The following OTOF variants were observed in gnomAD, a reference collection of about 807,000 sequenced individuals.
OTOF encodes fer-1-like family member 2.
A neutral mutation model predicts 236.8 loss-of-function variants in OTOF; 218 were observed. The observed-to-expected ratio is 0.92, with a 90% CI of 0.82 to 1.03. The LOEUF (loss-of-function observed/expected upper bound fraction) is 1.03. Among genes scored for constraint, OTOF ranks in the 50% least tolerant of loss-of-function variants. The probability of loss-of-function intolerance (pLI) is 0.00; values close to 1 mark genes in which losing one functional copy is unlikely to be tolerated. For synonymous variants in OTOF, 1,041 were observed against 1,072.5 expected (o/e 0.97, Z 0.57); for missense variants, 2,590 against 2,694.4 (o/e 0.96, Z 0.86).
Position 26,461,133 on chromosome 2 carries a change from C to T in OTOF, c.5534-103G>A. On this transcript the variant is annotated intron_variant, in intron 43 of 46. Coordinates refer to ENST00000272371, the MANE Select transcript of OTOF (RefSeq NM_194248.3). The surrounding 1 kb of genome is among the most constrained non-coding windows in gnomAD (Gnocchi z 6.2). ...GGCCCCTTGTTTGCTGAGTGCAGAC[C>T]TCCCTGAGCCCACATCTCATCCTCC... 1 of 977,384 alleles carries T rather than the reference C, an allele frequency of 1.0e-6. No individual in the cohort carries two copies. Among genetic ancestry groups the T allele is most frequent in the Non-Finnish European group, 1.6e-6 (1 of 640,544 alleles). 60.5% of individuals were successfully genotyped at this position (977,384 alleles called of 1,614,324 possible).
At chr2:26,531,355 A>G (rs1666943832) in intron 2 of OTOF, among the ~76,000 whole-genome samples, 1 of 152,228 alleles carries the variant, frequency 6.6e-6, no homozygotes, top group Non-Finnish European at 1.5e-5. Flanking sequence ...TCTGCCACTC[A>G]CTAGCTGTGC....
At chr2:26,497,485 T>C (rs1242620184) in intron 8 of OTOF, among the ~76,000 whole-genome samples, 1 of 152,202 alleles carries the variant, frequency 6.6e-6, no homozygotes, top group Non-Finnish European at 1.5e-5. Flanking sequence ...AACTTCTAAA[T>C]ACGACTTTAC....
chr2:26,464,263 A>C (rs781433540), intron 39 of OTOF, among the ~76,000 whole-genome samples, 157 bp from the exon 40 acceptor site: 39 of 152,220 alleles, frequency 2.6e-4, no homozygotes, highest in Non-Finnish European at 4.1e-4. Flanking sequence ...CAGAAGGAGA[A>C]GTGGCTTGCC....
intron 18 of OTOF, among the ~76,000 whole-genome samples, chr2:26,478,217 C>T (rs2148053417): frequency 6.6e-6 from 1 of 152,242 alleles, no homozygotes; most frequent in South Asian, 2.1e-4. Flanking sequence ...GACCCAGGTC[C>T]CACAGGAAAC....
At chr2:26,517,178 C>A (rs970519311) in intron 4 of OTOF, among the ~76,000 whole-genome samples, 1 of 152,156 alleles carries the variant, frequency 6.6e-6, no homozygotes, top group Non-Finnish European at 1.5e-5. Context: ...AGCACTCAAC[C>A]GGGCTCAGGC....
chr2:26,465,622 G>C (rs754797174), intron 38 of OTOF, 50 bp downstream of exon 38: 6 of 1,575,696 alleles, frequency 3.8e-6, no homozygotes, highest in Non-Finnish European at 4.4e-6. Flanking sequence ...TTTTAGAGTG[G>C]AGGCAAAGCA....
intron 35 of OTOF, 47 bp downstream of exon 35, chr2:26,467,052 G>A (rs751413848): frequency 4.4e-6 from 7 of 1,576,374 alleles, no homozygotes; most frequent in Admixed American, 1.7e-5. Context: ...TGTGGGGGGG[G>A]CAAGGGCTGG....
chr2:26,516,349 G>A, intron 5 of OTOF, 69 bp downstream of exon 5: 2 of 1,432,734 alleles, frequency 1.4e-6, no homozygotes, highest in East Asian at 2.3e-5. Context: ...CCTGTCAGTA[G>A]GACCAGGCCC....
At chr2:26,537,802 G>A (rs947296281) in intron 1 of OTOF, 28 bp from the exon 2 acceptor site, 4 of 1,516,846 alleles carry the variant, frequency 2.6e-6, no homozygotes, top group Non-Finnish European at 3.6e-6. Context: ...ATAAATTCTA[G>A]GGTCAGAGCT....
In OTOF at chr2:26,477,711, C is replaced by T. The variant is rs201888333; in HGVS notation, c.2253G>A (p.Thr751=). The change falls in exon 19 of 47, where the codon ACG becomes ACA. Residue 751 remains threonine (T), a synonymous_variant. Transcript: ENST00000272371. The surrounding 1 kb of genome is among the most constrained non-coding windows in gnomAD (Gnocchi z 4.7). The stretch of plus-strand genomic sequence containing the variant: ...GGCGACGCTCAGGGTAGGACTTCTC[C>T]GTTTTGATCATCTCCTGTATGTCGT... ...GLNDIQEMIK[T]EKSYPERRLR... is the part of the protein sequence containing the mutation. The T allele has an allele frequency of 2.3e-5, 37 of 1,612,704 alleles. No individual in the cohort carries two copies. The Admixed American group carries it at 2.3e-4, about 10-fold the overall frequency.
At chr2:26,555,435 GT>G (rs1219737002) in intron 1 of OTOF, among the ~76,000 whole-genome samples, 1 of 152,248 alleles carries the variant, frequency 6.6e-6, no homozygotes, top group Non-Finnish European at 1.5e-5. Context: ...ATATTAGCAT[GT>G]TCAGGAAATG....
intron 9 of OTOF, 149 bp downstream of exon 9, chr2:26,494,793 G>C (rs1270760134): frequency 3.5e-6 from 3 of 852,802 alleles, no homozygotes; most frequent in Non-Finnish European, 5.8e-6. Flanking sequence ...CTGTTTGTCA[G>C]TGTCCTGGGG....
Position 26,470,778 on chromosome 2 carries a change from G to T in OTOF, c.3895-57C>A, listed in dbSNP as rs558498617. On this transcript the variant is annotated intron_variant, in intron 31 of 46. Transcript: ENST00000272371. The surrounding 1 kb of genome is among the most constrained non-coding windows in gnomAD (Gnocchi z 4.3). ...GGACTCCTCCTGCCTGGACAATCCC[G>T]AGAGCCTCCACCCATTCCGCCATCT... is the stretch of plus-strand genomic sequence containing the variant. The T allele has an allele frequency of 1.3e-5, 21 of 1,592,346 alleles. No homozygotes were observed. Among genetic ancestry groups the T allele is most frequent in the Admixed American group, 5.2e-5 (3 of 57,412 alleles).
chr2:26,474,617 C>T lies in OTOF; in HGVS notation c.3184G>A (p.Glu1062Lys), dbSNP rs767276475. The change falls in exon 26 of 47, where the codon GAG (glutamate) becomes AAG (lysine). Residue 1062 changes from glutamate (E) to lysine (K), a missense_variant. Transcript: ENST00000272371. Reference protein sequence around the residue: ...FAKPLVKMADEAYCPPRFPPQ... With the variant: ...FAKPLVKMADKAYCPPRFPPQ... Reference sequence around the variant, plus strand: ...GGGAAGCGGGGTGGGCAGTACGCCTCGTCTGCCATCTTCACCAGGGGTTTG... The same window carrying T: ...GGGAAGCGGGGTGGGCAGTACGCCTTGTCTGCCATCTTCACCAGGGGTTTG... 13 of 1,613,164 alleles carry T rather than the reference C, an allele frequency of 8.1e-6. No homozygotes were observed. The highest frequency in any genetic ancestry group is 6.7e-5 in the African/African-American group (5 of 74,932).
chr2:26,551,472 ACT>A (rs1667461208), intron 1 of OTOF, among the ~76,000 whole-genome samples: 1 of 151,564 alleles, frequency 6.6e-6, no homozygotes, highest in Admixed American at 6.6e-5. Flanking sequence ...CCCCTAACTG[ACT>A]CTGGCTCACG....
At chr2:26,517,398 G>A (rs1666561074) in intron 4 of OTOF, among the ~76,000 whole-genome samples, 1 of 152,192 alleles carries the variant, frequency 6.6e-6, no homozygotes, top group Non-Finnish European at 1.5e-5. Flanking sequence ...AGGGAAAGGT[G>A]CACATATTTT....
At position 26,472,713 on chromosome 2, in the gene OTOF, G is replaced by A. The variant is rs1234780359; in HGVS notation, c.3734-64C>T. On this transcript the variant is annotated intron_variant, in intron 29 of 46. Transcript: ENST00000272371. ...GAGCAAGAGGAACAGTGAGATTGGC[G>A]GGGCAGGAAGGTGCGGAGAACTAAA... is the stretch of plus-strand genomic sequence containing the variant. The A allele has an allele frequency of 1.4e-5, 21 of 1,552,722 alleles. No homozygotes were observed. The East Asian group carries it at 1.4e-4, about 10-fold the overall frequency.
intron 8 of OTOF, among the ~76,000 whole-genome samples, chr2:26,500,579 A>T (rs1666092751): frequency 6.6e-6 from 1 of 152,174 alleles, no homozygotes; most frequent in African/African-American, 2.4e-5. Flanking sequence ...ACCCCTAAGG[A>T]ATCCAATGGC....
At position 26,470,735 on chromosome 2, in the gene OTOF, A is replaced by C. The variant is rs750238658; in HGVS notation, c.3895-14T>G. The C allele has an allele frequency of 1.2e-6, 2 of 1,611,726 alleles. No homozygotes were observed. Among genetic ancestry groups the C allele is most frequent in the Non-Finnish European group, 1.7e-6 (2 of 1,179,810 alleles). ...CTCCTCCTCAGCCTGCAGGTTGGCC[A>C]GGTCCAGAGTCCTACATGGACTCCT... On this transcript the variant is annotated splice_polypyrimidine_tract_variant and intron_variant, in intron 31 of 46. Coordinates refer to ENST00000272371, the MANE Select transcript of OTOF (RefSeq NM_194248.3). The surrounding 1 kb of genome is among the most constrained non-coding windows in gnomAD (Gnocchi z 4.3).
Sources: allele counts gnomAD v4.1 joint callset (sites outside exome capture counted in the v4.1 genomes callset), GRCh38; gene constraint gnomAD v4.1.1; non-coding constraint Gnocchi (gnomAD v3.1); transcripts MANE v1.5; gene names NCBI Gene and HGNC (gene_info 2026-07-23, HGNC 2026-07-21).